Variants in ADAM23 observed in about 807,000 individuals in gnomAD.
The protein encoded by ADAM23 is ADAM metallopeptidase domain 23, also known as disintegrin and metalloproteinase domain-containing protein 23.
Under a neutral mutation model 120.1 loss-of-function variants are expected in ADAM23, and 33 were observed. The ratio of observed to expected loss-of-function variants is 0.27; its 90% CI spans 0.21 to 0.37. The LOEUF (loss-of-function observed/expected upper bound fraction) is 0.37, where lower values mean the gene tolerates loss of function less well. Among genes scored for constraint, ADAM23 ranks in the 10% least tolerant of loss-of-function variants. The pLI is 1.00. For synonymous variants in ADAM23, 367 were observed against 375.2 expected (o/e 0.98, Z 0.25); for missense variants, 862 against 1,058.2 (o/e 0.81, Z 2.57).
At chr2:206,591,054 A>G (rs1698416461) in intron 21 of ADAM23, among the ~76,000 whole-genome samples, 2 of 152,176 alleles carry the variant, frequency 1.3e-5, no homozygotes, top group Non-Finnish European at 2.9e-5. Context: ...ATATATGACC[A>G]GACACGATGG....
At position 206,543,299 on chromosome 2, in the gene ADAM23, G is replaced by C; in HGVS notation, c.703G>C (p.Glu235Gln). The C allele has an allele frequency of 6.2e-7, 1 of 1,614,054 alleles. No individual in the cohort carries two copies. Among genetic ancestry groups the C allele is most frequent in the South Asian group, 1.1e-5 (1 of 91,064 alleles). ...DTFVYMIEPL[E>Q]LVHDEKSTGR... ...CTTCGTGTATATGATAGAGCCACTA[G>C]AGCTGGTTCATGATGAGGTGAGTCT... Residue 235 changes from glutamate to glutamine, a missense_variant, in exon 6 of 26, where the codon GAG (glutamate) becomes CAG (glutamine). By Grantham distance (29) the Glu-to-Gln change is conservative. Around this residue, in one of 4 missense-constraint regions of ADAM23, gnomAD observed 617 missense variants for 813.5 expected, o/e 0.76. Coordinates refer to ENST00000264377, the MANE Select transcript of ADAM23 (RefSeq NM_003812.4).
intron 3 of ADAM23, among the ~76,000 whole-genome samples, chr2:206,494,186 G>A (rs1470065038): frequency 6.6e-6 from 1 of 152,056 alleles, no homozygotes; most frequent in African/African-American, 2.4e-5. Flanking sequence ...ATTAATTATA[G>A]TCACCATACT....
intron 6 of ADAM23, among the ~76,000 whole-genome samples, chr2:206,544,736 C>T (rs1037911594): frequency 2.0e-5 from 3 of 151,930 alleles, no homozygotes; most frequent in Non-Finnish European, 2.9e-5. Flanking sequence ...CCTCAGCCTC[C>T]CAAGTAGCTG....
At chr2:206,596,546 T>C (rs1006012153) in intron 24 of ADAM23, among the ~76,000 whole-genome samples, 2 of 152,224 alleles carry the variant, frequency 1.3e-5, no homozygotes, top group African/African-American at 2.4e-5. Context: ...CTTTTCAATG[T>C]TGGAATCTCT....
At chr2:206,496,914 A>T (rs985152100) in intron 3 of ADAM23, among the ~76,000 whole-genome samples, 1 of 152,216 alleles carries the variant, frequency 6.6e-6, no homozygotes, top group Non-Finnish European at 1.5e-5. Context: ...GAAATGGATA[A>T]ATTCCTCGAC....
rs1699020886 is a variant in ADAM23 at position 206,619,816 on chromosome 2, G to A, written c.*2189G>A. ...TCATGTTGTTGCTTTCTGAGTAATAGGTGCTACGCAGGTAGGCGGGCTTTC... is the reference window on the plus strand; with the variant it reads ...TCATGTTGTTGCTTTCTGAGTAATAAGTGCTACGCAGGTAGGCGGGCTTTC... On this transcript the variant is annotated 3_prime_UTR_variant, in exon 26 of 26. Transcript: ENST00000264377. 1 of 152,168 alleles carries A rather than the reference G, an allele frequency of 6.6e-6. No homozygotes were observed. The highest frequency in any genetic ancestry group is 1.5e-5 in the Non-Finnish European group (1 of 68,054). The allele number at this position is 152,168 out of a possible 1,614,324, so 9.4% of individuals were successfully genotyped here.
At chr2:206,473,895 C>G (rs1695718332) in intron 2 of ADAM23, among the ~76,000 whole-genome samples, 1 of 151,342 alleles carries the variant, frequency 6.6e-6, no homozygotes, top group Admixed American at 6.6e-5. Flanking sequence ...TACCTGTGGT[C>G]CCAGCTATTT....
At position 206,592,702 on chromosome 2, in the gene ADAM23, T is replaced by G. The variant is rs1698448138; in HGVS notation, c.2044T>G (p.Ser682Ala). Residue 682 changes from serine (S) to alanine (A), a missense_variant, in exon 22 of 26, where the codon TCC (serine) becomes GCC (alanine). Ser to Ala is a moderately conservative substitution (Grantham distance 99). Around this residue, in one of 4 missense-constraint regions of ADAM23, gnomAD observed 617 missense variants for 813.5 expected, o/e 0.76. Transcript: ENST00000264377. ...ACTTCAGGGTGAGATCATTCCAACT[T>G]CCTTCTACCATCAAGGCCGGGTGAT... ...GQLQGEIIPTSFYHQGRVIDC... is the reference protein window; with the variant it reads ...GQLQGEIIPTAFYHQGRVIDC... 6.2e-7 allele frequency: 1 copy of G among 1,613,940 alleles called. No homozygotes were observed. The highest frequency in any genetic ancestry group is 1.7e-5 in the Admixed American group (1 of 59,994).
Position 206,453,614 on chromosome 2 carries a change from T to G in ADAM23, c.432+8090T>G, listed in dbSNP as rs1695239229. Among the ~76,000 whole-genome samples the G allele has an allele frequency of 1.3e-5, 2 of 152,214 alleles. 1 individual carries two copies. The highest frequency in any genetic ancestry group is 4.1e-4 in the South Asian group (2 of 4,832). On this transcript the variant is annotated intron_variant, in intron 2 of 25. Coordinates refer to ENST00000264377, the MANE Select transcript of ADAM23 (RefSeq NM_003812.4). ...TGTATGAATTCAGTATGATTTTAAT[T>G]AAATTTAATGGTAGAAATGCTATTA...
Position 206,582,975 on chromosome 2 carries a change from G to T in ADAM23, c.1738-4350G>T, listed in dbSNP as rs575432927. 3.3e-3 allele frequency among the ~76,000 whole-genome samples: 508 copies of T among 152,246 alleles called. 3 individuals carry two copies. The highest frequency in any genetic ancestry group is 0.011 in the African/African-American group (477 of 41,536). On this transcript the variant is annotated intron_variant, in intron 18 of 25. Coordinates refer to ENST00000264377, the MANE Select transcript of ADAM23 (RefSeq NM_003812.4). ...GTTTACCTGGTGCTTCTGTCTCACA[G>T]CTCTAAAGATTCTTTCCTTTGTCTT...
At chr2:206,561,049 G>A in intron 11 of ADAM23, 79 bp from the exon 12 acceptor site, 1 of 1,235,960 alleles carries the variant, frequency 8.1e-7, no homozygotes. Context: ...GTTCCATGTA[G>A]GAGGGTAGAC....
At chr2:206,549,160 G>GT (rs1185002174) in intron 8 of ADAM23, among the ~76,000 whole-genome samples, 6 of 151,566 alleles carry the variant, frequency 4.0e-5, no homozygotes, top group Non-Finnish European at 7.4e-5. Context: ...TTTGCTGAGT[G>GT]TATTTTTTTT....
intron 2 of ADAM23, among the ~76,000 whole-genome samples, chr2:206,474,110 A>G (rs566410384): frequency 6.6e-6 from 1 of 152,310 alleles, no homozygotes; most frequent in African/African-American, 2.4e-5. Context: ...TTTAATACAA[A>G]TTGTTGCTGG....
chr2:206,487,618 G>C (rs1574492922), intron 3 of ADAM23, among the ~76,000 whole-genome samples: 1 of 152,290 alleles, frequency 6.6e-6, no homozygotes, highest in East Asian at 1.9e-4. Context: ...CCATCTGACT[G>C]GTCCGAGGTG....
intron 9 of ADAM23, among the ~76,000 whole-genome samples, chr2:206,555,229 C>G (rs1697619436): frequency 6.6e-6 from 1 of 152,128 alleles, no homozygotes; most frequent in African/African-American, 2.4e-5. Flanking sequence ...ACTTCTGAAT[C>G]AGAACTCTTA....
At chr2:206,477,714 A>G (rs143871479) in intron 2 of ADAM23, among the ~76,000 whole-genome samples, 2 of 151,976 alleles carry the variant, frequency 1.3e-5, no homozygotes, top group African/African-American at 4.8e-5. Context: ...TACTGTAGGT[A>G]GTCTTTGTAT....
chr2:206,541,140 TG>T (rs1479187313), intron 4 of ADAM23, among the ~76,000 whole-genome samples: 1 of 151,302 alleles, frequency 6.6e-6, no homozygotes, highest in African/African-American at 2.4e-5. Flanking sequence ...CACTCCAGCC[TG>T]GGCAGCAGGG....
At chr2:206,576,338 G>A (rs903360320) in intron 18 of ADAM23, among the ~76,000 whole-genome samples, 2 of 151,928 alleles carry the variant, frequency 1.3e-5, no homozygotes, top group African/African-American at 4.8e-5. Flanking sequence ...AACTCTTTAA[G>A]TGCCATAGAA....
At chr2:206,465,507 A>G (rs1574481765) in intron 2 of ADAM23, among the ~76,000 whole-genome samples, 4 of 152,276 alleles carry the variant, frequency 2.6e-5, no homozygotes, top group South Asian at 4.1e-4. Flanking sequence ...ATAGTCCTCT[A>G]CTTTTGGAAA....
Sources: allele counts gnomAD v4.1 joint callset (sites outside exome capture counted in the v4.1 genomes callset), GRCh38; gene constraint gnomAD v4.1.1; regional missense constraint gnomAD v4.1.1; transcripts MANE v1.5; gene names NCBI Gene and HGNC (gene_info 2026-07-23, HGNC 2026-07-21).